Variants in KIDINS220 observed in about 807,000 individuals in gnomAD.
KIDINS220 encodes the protein kinase D interacting substrate 220.
Under a neutral mutation model 157.6 loss-of-function variants are expected in KIDINS220, and 63 were observed. The ratio of observed to expected loss-of-function variants is 0.40; its 90% CI spans 0.33 to 0.49. The LOEUF (loss-of-function observed/expected upper bound fraction) is 0.49, where lower values mean the gene tolerates loss of function less well. Among genes scored for constraint, KIDINS220 ranks in the 20% least tolerant of loss-of-function variants. KIDINS220 has a pLI of 0.66. For synonymous variants in KIDINS220, 732 were observed against 783.6 expected, an observed-to-expected ratio of 0.93 and a Z score of 1.10; for missense variants, 1,772 against 2,171.2, an observed-to-expected ratio of 0.82 and a Z score of 3.65.
intron 12 of KIDINS220, among the ~76,000 whole-genome samples, chr2:8,793,388 C>T (rs980290984): frequency 2.0e-5 from 3 of 152,082 alleles, no homozygotes; most frequent in African/African-American, 7.2e-5. Context: ...TCCAAGTACT[C>T]AGGAGGCTGA....
At chr2:8,777,190 G>A (rs549059040) in intron 20 of KIDINS220, among the ~76,000 whole-genome samples, 1 of 152,326 alleles carries the variant, frequency 6.6e-6, no homozygotes, top group African/African-American at 2.4e-5. Context: ...GCAGAATTGT[G>A]TAAAGAGAAT....
At position 8,733,578 on chromosome 2, in the gene KIDINS220, G is replaced by A. The variant is rs201958999; in HGVS notation, c.3919C>T (p.Arg1307Cys). The A allele has an allele frequency of 1.5e-4, 235 of 1,614,058 alleles. No homozygotes were observed. In the African/African-American group the frequency reaches 2.6e-3, roughly 18 times the overall value. The change falls in exon 29 of 30, where the codon CGC (arginine) becomes TGC (cysteine). Residue 1307 changes from arginine to cysteine, a missense_variant. By Grantham distance (180) the Arg-to-Cys change is radical. Coordinates refer to ENST00000256707, the MANE Select transcript of KIDINS220 (RefSeq NM_020738.4). ...TGAGGCAGCTCGTTGTGGGAAGCGC[G>A]GCGAGCAGGCTCACCGTGCGGGGCT... is the stretch of plus-strand genomic sequence containing the variant. The part of the protein sequence containing the change: ...GPAPHGEPAR[R>C]ASHNELPHTE...
chr2:8,813,199 C>G (rs762496606), intron 5 of KIDINS220, 38 bp downstream of exon 5: 1 of 1,438,732 alleles, frequency 7.0e-7, no homozygotes, highest in Non-Finnish European at 9.6e-7. Flanking sequence ...GAAAACTTAC[C>G]ACTTATAATA....
chr2:8,754,741 G>A (rs1209774710), intron 22 of KIDINS220, among the ~76,000 whole-genome samples: 4 of 152,258 alleles, frequency 2.6e-5, no homozygotes, highest in Non-Finnish European at 5.9e-5. Flanking sequence ...TCAAAATGAG[G>A]TTTTAAATTA....
chr2:8,730,656 G>A lies in KIDINS220; in HGVS notation c.*64C>T. On this transcript the variant is annotated 3_prime_UTR_variant, in exon 30 of 30. Transcript: ENST00000256707. Reference sequence around the variant, plus strand: ...TAGAAAGGTGATGGGCGTGGATGGAGTCAAAATCCAGGACAATTCTGTCAT... The same window carrying A: ...TAGAAAGGTGATGGGCGTGGATGGAATCAAAATCCAGGACAATTCTGTCAT... 1.3e-6 allele frequency: 2 copies of A among 1,539,982 alleles called. No homozygotes were observed. The highest frequency in any genetic ancestry group is 2.0e-5 in the Admixed American group (1 of 49,960).
chr2:8,827,998 G>A (rs1432692424), intron 1 of KIDINS220, among the ~76,000 whole-genome samples: 1 of 152,104 alleles, frequency 6.6e-6, no homozygotes, highest in Admixed American at 6.5e-5. Flanking sequence ...GAACCACAAT[G>A]TGAGCAGTAC....
At position 8,796,884 on chromosome 2, in the gene KIDINS220, A is replaced by C. The variant is rs752251477; in HGVS notation, c.1000-15T>G. The C allele has an allele frequency of 6.3e-7, 1 of 1,593,608 alleles. No homozygotes were observed. The highest frequency in any genetic ancestry group is 1.1e-5 in the South Asian group (1 of 90,696). Reference sequence around the variant, plus strand: ...GTTTCACCATCCTGTGGGCACAAATAAGAACATTTGCCAGATTAATAGCTT... The same window carrying C: ...GTTTCACCATCCTGTGGGCACAAATCAGAACATTTGCCAGATTAATAGCTT... On this transcript the variant is annotated splice_polypyrimidine_tract_variant and intron_variant, in intron 10 of 29. Coordinates refer to ENST00000256707, the MANE Select transcript of KIDINS220 (RefSeq NM_020738.4).
At position 8,770,742 on chromosome 2, in the gene KIDINS220, G is replaced by A; in HGVS notation, c.2939C>T (p.Ser980Leu). ...NLTEQWPYRTSWLILYLEETE... is the reference protein window; with the variant it reads ...NLTEQWPYRTLWLILYLEETE... ...CTCTTCCAAATATAATATGAGCCAT[G>A]AAGTCCGGTATGGCCACTGCTCAGT... The change falls in exon 22 of 30, where the codon TCA becomes TTA. Residue 980 changes from serine (S) to leucine (L), a missense_variant. Physicochemically the swap from Ser to Leu is moderately radical, Grantham distance 145. Around this residue, in one of 3 missense-constraint regions of KIDINS220, gnomAD observed 725 missense variants for 1,017.1 expected, o/e 0.71. Transcript: ENST00000256707. 1 of 1,611,656 alleles carries A rather than the reference G, an allele frequency of 6.2e-7. No homozygotes were observed. Among genetic ancestry groups the A allele is most frequent in the African/African-American group, 1.3e-5 (1 of 74,894 alleles).
chr2:8,746,125 C>T (rs1347532631), intron 26 of KIDINS220, among the ~76,000 whole-genome samples: 8 of 148,700 alleles, frequency 5.4e-5, no homozygotes, highest in Non-Finnish European at 8.9e-5. Flanking sequence ...TTTTTGAGAC[C>T]GAGTCTCGCT....
chr2:8,793,676 C>T, intron 12 of KIDINS220, 134 bp downstream of exon 12: 2 of 717,838 alleles, frequency 2.8e-6, no homozygotes, highest in Non-Finnish European at 4.3e-6. Context: ...TGGGGTCAAG[C>T]AATCCTCCCA....
chr2:8,790,157 T>A, intron 13 of KIDINS220, 98 bp from the exon 14 acceptor site: 1 of 1,109,784 alleles, frequency 9.0e-7, no homozygotes. Flanking sequence ...TGTAAACATT[T>A]ATTGGACACT....
chr2:8,731,274 C>T lies in KIDINS220; in HGVS notation c.4762G>A (p.Val1588Met), dbSNP rs1664050058. ...LDKKDSSDSG[V>M]RSSESSPNHS... The stretch of plus-strand genomic sequence containing the variant: ...TTGGGAGAACTTTCACTGGATCTCA[C>T]TCCTGAATCCGATGAATCCTTTTTG... The change falls in exon 30 of 30, where the codon GTG becomes ATG. Residue 1588 changes from valine to methionine, a missense_variant. Val to Met is a conservative substitution (Grantham distance 21). Around this residue, in one of 3 missense-constraint regions of KIDINS220, gnomAD observed 793 missense variants for 885.5 expected, o/e 0.90. Transcript: ENST00000256707. This position sits in a 1 kb window ranked among gnomAD's most constrained non-coding sequence, Gnocchi z 5.2. 6.2e-7 allele frequency: 1 copy of T among 1,613,994 alleles called. No homozygotes were observed. The highest frequency in any genetic ancestry group is 1.3e-5 in the African/African-American group (1 of 74,924).
chr2:8,779,757 T>C lies in KIDINS220; in HGVS notation c.2287A>G (p.Thr763Ala). 6.2e-7 allele frequency: 1 copy of C among 1,614,180 alleles called. No individual in the cohort carries two copies. Among genetic ancestry groups the C allele is most frequent in the Non-Finnish European group, 8.5e-7 (1 of 1,180,018 alleles). ...ARMAKTIDSFTQNQTRLVVII... is the reference protein window; with the variant it reads ...ARMAKTIDSFAQNQTRLVVII... ...ACCACCAGCCTTGTCTGATTCTGAG[T>C]GAAGCTGTCAATGGTTTTTGCCATC... Residue 763 changes from threonine to alanine, a missense_variant, in exon 18 of 30, where the codon ACT (threonine) becomes GCT (alanine). Around this residue, in one of 3 missense-constraint regions of KIDINS220, gnomAD observed 725 missense variants for 1,017.1 expected, o/e 0.71. Transcript: ENST00000256707.
At chr2:8,836,931 T>G (rs1572868845) in intron 1 of KIDINS220, among the ~76,000 whole-genome samples, 1 of 152,192 alleles carries the variant, frequency 6.6e-6, no homozygotes, top group East Asian at 1.9e-4. Flanking sequence ...AAGAAATTAT[T>G]TCCCTATAAA....
chr2:8,831,059 A>G (rs1158538952), intron 1 of KIDINS220, among the ~76,000 whole-genome samples: 1 of 152,122 alleles, frequency 6.6e-6, no homozygotes, highest in Non-Finnish European at 1.5e-5. Context: ...CCTACAATAC[A>G]TCTCTCCTAA....
At chr2:8,784,080 C>T (rs1381872628) in intron 17 of KIDINS220, among the ~76,000 whole-genome samples, 1 of 151,842 alleles carries the variant, frequency 6.6e-6, no homozygotes, top group East Asian at 1.9e-4. Flanking sequence ...AGAGAAAGAG[C>T]CCAGAAACAG....
Position 8,800,381 on chromosome 2 carries a change from G to A in KIDINS220, c.900+19C>T, listed in dbSNP as rs542404348. 2 of 1,499,676 alleles carry A rather than the reference G, an allele frequency of 1.3e-6. No individual in the cohort carries two copies. The highest frequency in any genetic ancestry group is 1.4e-5 in the African/African-American group (1 of 72,190). The allele number at this position is 1,499,676 out of a possible 1,614,324, so 92.9% of individuals were successfully genotyped here. A position where few individuals can be genotyped will look rare whatever the true frequency, so the allele number is the denominator to read the frequency against. On this transcript the variant is annotated intron_variant, in intron 9 of 29. Coordinates refer to ENST00000256707, the MANE Select transcript of KIDINS220 (RefSeq NM_020738.4). ...GCAATTATACTCTAAGATAGCAACT[G>A]CACTGTAATCACACATACCTGTCCT... is the stretch of plus-strand genomic sequence containing the variant.
chr2:8,728,321 TCAAACAAACAAA>T (rs142900998), downstream of KIDINS220, among the ~76,000 whole-genome samples: 5 of 151,242 alleles, frequency 3.3e-5, no homozygotes, highest in South Asian at 4.2e-4. Context: ...AGAGACTGCC[TCAAACAAACAAA>T]CAAACAAACA....
At chr2:8,769,878 C>T (rs527337167) in intron 22 of KIDINS220, among the ~76,000 whole-genome samples, 2 of 152,280 alleles carry the variant, frequency 1.3e-5, no homozygotes, top group African/African-American at 4.8e-5. Context: ...CTACTTGATA[C>T]AGCACACAGG....
Sources: allele counts gnomAD v4.1 joint callset (sites outside exome capture counted in the v4.1 genomes callset), GRCh38; gene constraint gnomAD v4.1.1; regional missense constraint gnomAD v4.1.1; non-coding constraint Gnocchi (gnomAD v3.1); transcripts MANE v1.5; gene names NCBI Gene and HGNC (gene_info 2026-07-23, HGNC 2026-07-21).